RBFOX2: variants seen among roughly 807,000 people sequenced by gnomAD.
RBFOX2 encodes RNA binding protein fox-1 homolog 2.
Under a neutral mutation model 49.1 loss-of-function variants are expected in RBFOX2, and 10 were observed. That is an observed-to-expected ratio of 0.20 (90% CI 0.13 to 0.35). The LOEUF is 0.35. Among genes scored for constraint, RBFOX2 ranks in the 10% least tolerant of loss-of-function variants. The pLI, the probability that RBFOX2 is intolerant of heterozygous loss-of-function variation, is 1.00. For missense variants in RBFOX2, 323 were observed against 486.9 expected (o/e 0.66, Z 3.17); for synonymous variants, 183 against 187.4 (o/e 0.98, Z 0.19).
intron 1 of RBFOX2, among the ~76,000 whole-genome samples, chr22:35,846,486 G>A (rs1426205401): frequency 6.6e-6 from 1 of 151,910 alleles, no homozygotes; most frequent in East Asian, 1.9e-4. Context: ...GCTGGGCATA[G>A]TGGCTCACGC....
intron 1 of RBFOX2, among the ~76,000 whole-genome samples, chr22:35,931,909 C>T (rs531400013): frequency 1.3e-5 from 2 of 152,280 alleles, no homozygotes; most frequent in South Asian, 2.1e-4. Context: ...TTTGGTCAAT[C>T]GTTAGTCACA....
intron 1 of RBFOX2, among the ~76,000 whole-genome samples, chr22:35,831,024 A>C (rs1307071430): frequency 6.6e-6 from 1 of 152,198 alleles, no homozygotes; most frequent in Non-Finnish European, 1.5e-5. Flanking sequence ...TACGTATGCT[A>C]TAAAGGAAAT....
intron 1 of RBFOX2, among the ~76,000 whole-genome samples, chr22:35,878,817 G>A (rs1021098838): frequency 4.6e-5 from 7 of 151,986 alleles, no homozygotes; most frequent in East Asian, 1.9e-4. Flanking sequence ...TGCAAGCTCC[G>A]CCTCCCAGGT....
chr22:35,833,234 T>G (rs529359456), intron 1 of RBFOX2, among the ~76,000 whole-genome samples: 57 of 152,116 alleles, frequency 3.7e-4, no homozygotes, highest in African/African-American at 1.4e-3. Flanking sequence ...TTCAAGGAAG[T>G]AGGAAAAATA....
intron 1 of RBFOX2, among the ~76,000 whole-genome samples, chr22:35,869,697 C>A (rs916399116): frequency 1.3e-5 from 2 of 152,050 alleles, no homozygotes; most frequent in East Asian, 3.9e-4. Flanking sequence ...GAATATATTG[C>A]CCCTTATGGT....
chr22:36,015,514 C>T (rs8139786), intron 1 of RBFOX2, among the ~76,000 whole-genome samples: 15,974 of 152,244 alleles, frequency 0.1, 1,077 homozygotes, highest in Middle Eastern at 0.25. Flanking sequence ...GAGAAGCAAA[C>T]CAATGAGTTA....
At chr22:35,963,075 A>AG (rs1221532145), upstream of RBFOX2, among the ~76,000 whole-genome samples, 1 of 149,218 alleles carries the variant, frequency 6.7e-6, no homozygotes, top group African/African-American at 2.5e-5. Context: ...AAAAAAAAAA[A>AG]AAAAAAAAAA....
chr22:35,782,935 T>C (rs934726904), intron 2 of RBFOX2, among the ~76,000 whole-genome samples: 5 of 152,182 alleles, frequency 3.3e-5, no homozygotes, highest in African/African-American at 1.2e-4. Context: ...CGCTCACACA[T>C]GCACACAAGA....
chr22:35,811,232 G>A (rs1951805768), intron 1 of RBFOX2, among the ~76,000 whole-genome samples: 1 of 152,198 alleles, frequency 6.6e-6, no homozygotes, highest in Non-Finnish European at 1.5e-5. Flanking sequence ...GGAAGGGGCA[G>A]AGTCATAGAC....
At chr22:35,797,848 C>T (rs1169970706) in intron 2 of RBFOX2, among the ~76,000 whole-genome samples, 1 of 152,204 alleles carries the variant, frequency 6.6e-6, no homozygotes, top group Non-Finnish European at 1.5e-5. Flanking sequence ...TCCCTGCCTG[C>T]AATGTCCTCT....
chr22:36,025,821 A>T (rs1014630487), intron 1 of RBFOX2, among the ~76,000 whole-genome samples: 1 of 151,982 alleles, frequency 6.6e-6, no homozygotes, highest in Admixed American at 6.6e-5. Flanking sequence ...AAGGGAAATC[A>T]TCTTGTACAC....
At chr22:36,012,932 T>C (rs2146398355) in intron 1 of RBFOX2, among the ~76,000 whole-genome samples, 1 of 151,822 alleles carries the variant, frequency 6.6e-6, no homozygotes, top group African/African-American at 2.4e-5. Context: ...GCCCAGCAAA[T>C]TTTTTTTATT....
intron 1 of RBFOX2, chr22:35,996,582 G>A (rs1043927663): frequency 6.8e-6 from 1 of 146,628 alleles, no homozygotes; most frequent in Non-Finnish European, 1.5e-5. Flanking sequence ...TCCAGCCTAG[G>A]CAACAGAGCA....
intron 2 of RBFOX2, among the ~76,000 whole-genome samples, chr22:35,797,114 A>T (rs1948919812): frequency 6.6e-6 from 1 of 152,210 alleles, no homozygotes; most frequent in South Asian, 2.1e-4. Context: ...AATTAGGAAA[A>T]TAAAATACAT....
chr22:35,771,804 A>G (rs1942745723), intron 4 of RBFOX2, among the ~76,000 whole-genome samples: 1 of 152,182 alleles, frequency 6.6e-6, no homozygotes, highest in South Asian at 2.1e-4. Flanking sequence ...AAAATTTAGC[A>G]TTTTAGAAAA....
chr22:35,803,714 G>C (rs1950180098), intron 2 of RBFOX2, among the ~76,000 whole-genome samples: 2 of 151,632 alleles, frequency 1.3e-5, no homozygotes, highest in South Asian at 4.2e-4. Flanking sequence ...AATATGAGAA[G>C]AAATCTCAGT....
chr22:35,860,096 T>C (rs2042944257), intron 1 of RBFOX2, among the ~76,000 whole-genome samples: 1 of 152,178 alleles, frequency 6.6e-6, no homozygotes, highest in Non-Finnish European at 1.5e-5. Context: ...GGTCATAATA[T>C]TTCACAGCTC....
At chr22:35,989,618 TTTTA>T (rs1185961661) in intron 1 of RBFOX2, among the ~76,000 whole-genome samples, 2 of 152,116 alleles carry the variant, frequency 1.3e-5, no homozygotes, top group Admixed American at 6.6e-5. Context: ...ATGTGCTAGA[TTTTA>T]TTTATTTATT....
intron 1 of RBFOX2, among the ~76,000 whole-genome samples, chr22:35,921,556 A>G (rs2051027440): frequency 6.6e-6 from 1 of 152,232 alleles, no homozygotes. Flanking sequence ...CATCAAAAGT[A>G]TTTCAGGAAT....
Sources: gnomAD v4.1 joint callset for allele counts (sites outside exome capture counted in the v4.1 genomes callset) on GRCh38, gnomAD v4.1.1 for gene constraint, MANE v1.5 for transcripts, NCBI Gene and HGNC (gene_info 2026-07-23, HGNC 2026-07-21) for gene names.